The following SNTN variants were observed in gnomAD, a reference collection of about 807,000 sequenced individuals.
The protein encoded by SNTN is sentan.
Under a neutral mutation model 12.3 loss-of-function variants are expected in SNTN, and 13 were observed. That is an observed-to-expected ratio of 1.05 (90% CI 0.69 to 1.67). The LOEUF is 1.67. SNTN is among the 40% of genes most tolerant of loss of function. The pLI is 0.00. For synonymous variants in SNTN, 69 were observed against 58.5 expected, an observed-to-expected ratio of 1.18 and a Z score of -0.82; for missense variants, 189 against 169.8, an observed-to-expected ratio of 1.11 and a Z score of -0.63.
rs546196569 is a variant in SNTN, at chr3:63,653,029, G to A, written c.110+232G>A. On this transcript the variant is annotated intron_variant, in intron 1 of 3. Coordinates refer to ENST00000343837, the MANE Select transcript of SNTN (RefSeq NM_001080537.2). ...GCAAATATCTTTGATTGCCTCTTGA[G>A]AAACATTTGTAAATCAAAATTGGTG... 7.9e-5 allele frequency among the ~76,000 whole-genome samples: 12 copies of A among 152,294 alleles called. No individual in the cohort carries two copies. The South Asian group carries it at 2.3e-3, about 29-fold the overall frequency.
intron 2 of SNTN, among the ~76,000 whole-genome samples, chr3:63,658,450 T>C (rs1461937251): frequency 1.3e-5 from 2 of 149,196 alleles, no homozygotes; most frequent in African/African-American, 4.9e-5. Context: ...AGTGGACAAA[T>C]AACATACAAT....
intron 3 of SNTN, among the ~76,000 whole-genome samples, chr3:63,660,784 T>C (rs1700735263): frequency 6.6e-6 from 1 of 152,096 alleles, no homozygotes; most frequent in South Asian, 2.1e-4. Context: ...TAGATGTCCA[T>C]GAAATATTTA....
At position 63,660,938 on chromosome 3, in the gene SNTN, G is replaced by A. The variant is rs377072924; in HGVS notation, c.285+1074G>A. On this transcript the variant is annotated intron_variant, in intron 3 of 3. Coordinates refer to ENST00000343837, the MANE Select transcript of SNTN (RefSeq NM_001080537.2). ...TTACTCACCTAAGGGTATATTTCTC[G>A]AATTTCAGTCATTGAATACCATATT... 4.5e-4 allele frequency among the ~76,000 whole-genome samples: 68 copies of A among 152,286 alleles called. 2 individuals are homozygous for A. The South Asian group carries it at 0.012, about 27-fold the overall frequency.
Position 63,663,964 on chromosome 3 carries a change from G to C in SNTN, c.313G>C (p.Glu105Gln). Reference protein sequence around the residue: ...EGQETKPKYREILSELDEHTE... With the variant: ...EGQETKPKYRQILSELDEHTE... ...ACAAGAAACCAAGCCAAAATACAGAGAGATCCTTTCTGAACTTGATGAGCA... is the reference window on the plus strand; with the variant it reads ...ACAAGAAACCAAGCCAAAATACAGACAGATCCTTTCTGAACTTGATGAGCA... Residue 105 changes from glutamate to glutamine, a missense_variant, in exon 4 of 4, where the codon GAG becomes CAG. By Grantham distance (29) the Glu-to-Gln change is conservative. Transcript: ENST00000343837. 3 of 1,613,144 alleles carry C rather than the reference G, an allele frequency of 1.9e-6. No homozygotes were observed. The highest frequency in any genetic ancestry group is 1.3e-5 in the African/African-American group (1 of 75,004).
intron 3 of SNTN, among the ~76,000 whole-genome samples, chr3:63,663,228 T>C (rs536450566): frequency 6.6e-6 from 1 of 152,216 alleles, no homozygotes; most frequent in African/African-American, 2.4e-5. Context: ...AAACCCTGGC[T>C]CCACACCAAA....
At position 63,664,451 on chromosome 3, in the gene SNTN, A is replaced by T. The variant is rs544281237; in HGVS notation, c.*356A>T. 1 of 170,394 alleles carries T rather than the reference A, an allele frequency of 5.9e-6. No individual in the cohort carries two copies. The highest frequency in any genetic ancestry group is 1.7e-4 in the South Asian group (1 of 5,828). 10.6% of individuals were successfully genotyped at this position (170,394 alleles called of 1,614,324 possible). A position where few individuals can be genotyped will look rare whatever the true frequency, so the allele number is the denominator to read the frequency against. ...TACTTGATGGAACTGCTGAGGATAC[A>T]GTAATGAATTGGCCAGGCAATTCCT... is the stretch of plus-strand genomic sequence containing the variant. On this transcript the variant is annotated 3_prime_UTR_variant, in exon 4 of 4. Coordinates refer to ENST00000343837, the MANE Select transcript of SNTN (RefSeq NM_001080537.2).
At position 63,655,750 on chromosome 3, in the gene SNTN, T is replaced by A. The variant is rs1367007631; in HGVS notation, c.145+954T>A. 5.3e-5 allele frequency among the ~76,000 whole-genome samples: 8 copies of A among 152,080 alleles called. No individual in the cohort carries two copies. The East Asian group carries it at 1.5e-3, about 29-fold the overall frequency. On this transcript the variant is annotated intron_variant, in intron 2 of 3. Transcript: ENST00000343837. The stretch of plus-strand genomic sequence containing the variant: ...AAAAACACAGGATAAACATGATTCA[T>A]CTCCCCAGAATGTATTTTATTTAGT...
chr3:63,658,335 C>T (rs192657852), intron 2 of SNTN, among the ~76,000 whole-genome samples: 3 of 151,292 alleles, frequency 2.0e-5, no homozygotes, highest in Admixed American at 1.3e-4. Context: ...AGTTTTCCTC[C>T]CAGACCCACT....
At position 63,655,409 on chromosome 3, in the gene SNTN, T is replaced by C. The variant is rs1166669167; in HGVS notation, c.145+613T>C. Among the ~76,000 whole-genome samples the C allele has an allele frequency of 5.3e-5, 8 of 152,152 alleles. No homozygotes were observed. The South Asian group carries it at 1.2e-3, about 24-fold the overall frequency. On this transcript the variant is annotated intron_variant, in intron 2 of 3. Coordinates refer to ENST00000343837, the MANE Select transcript of SNTN (RefSeq NM_001080537.2). ...TGTACATTACTATATTGCAGGTTTT[T>C]CCCTCCTAGATGACTAGCCAAACTC...
chr3:63,658,227 G>A (rs1700704087), intron 2 of SNTN, among the ~76,000 whole-genome samples: 1 of 151,826 alleles, frequency 6.6e-6, no homozygotes, highest in Non-Finnish European at 1.5e-5. Flanking sequence ...ATCTCACCCT[G>A]AACCTCACCC....
chr3:63,663,394 T>C lies in SNTN; in HGVS notation c.286-543T>C, dbSNP rs565549366. Among the ~76,000 whole-genome samples the C allele has an allele frequency of 2.0e-3, 305 of 152,376 alleles. 6 individuals are homozygous for C. Among genetic ancestry groups the C allele is most frequent in the Non-Finnish European group, 6.5e-4 (44 of 68,038 alleles). ...TTCACATGGTGTTTTACTGGTAGCA[T>C]TGTTGGCAACTTGATGTGTTATTAT... is the stretch of plus-strand genomic sequence containing the variant. On this transcript the variant is annotated intron_variant, in intron 3 of 3. Transcript: ENST00000343837.
At chr3:63,653,161 T>C (rs1024750362) in intron 1 of SNTN, among the ~76,000 whole-genome samples, 1 of 152,214 alleles carries the variant, frequency 6.6e-6, no homozygotes, top group African/African-American at 2.4e-5. Flanking sequence ...AAAATGTTCT[T>C]TCTCATATAA....
intron 2 of SNTN, among the ~76,000 whole-genome samples, chr3:63,656,929 G>A (rs924549187): frequency 2.6e-5 from 4 of 152,130 alleles, no homozygotes; most frequent in South Asian, 4.1e-4. Context: ...TTTCTTCATC[G>A]ATAGAGTGGG....
At chr3:63,655,459 T>C (rs1369757945) in intron 2 of SNTN, among the ~76,000 whole-genome samples, 1 of 152,214 alleles carries the variant, frequency 6.6e-6, no homozygotes, top group East Asian at 1.9e-4. Context: ...TGTAATTTTA[T>C]TTAAATAAAT....
intron 3 of SNTN, among the ~76,000 whole-genome samples, chr3:63,661,469 A>T (rs944679631): frequency 1.3e-5 from 2 of 152,220 alleles, no homozygotes; most frequent in Non-Finnish European, 2.9e-5. Context: ...CAAGGGTACA[A>T]CTTTCTGTGA....
intron 2 of SNTN, among the ~76,000 whole-genome samples, chr3:63,657,185 A>G (rs1700689070): frequency 1.3e-5 from 2 of 152,208 alleles, no homozygotes; most frequent in Admixed American, 6.6e-5. Context: ...TGGATAGAGT[A>G]TGCAGCGACT....
chr3:63,657,745 C>T (rs953818460), intron 2 of SNTN, among the ~76,000 whole-genome samples: 3 of 152,154 alleles, frequency 2.0e-5, no homozygotes, highest in African/African-American at 7.2e-5. Flanking sequence ...TCCACAATCA[C>T]GATGGGGATG....
chr3:63,659,889 A>G, intron 3 of SNTN, 25 bp downstream of exon 3: 1 of 1,613,342 alleles, frequency 6.2e-7, no homozygotes, highest in Non-Finnish European at 8.5e-7. Flanking sequence ...TTGCATAAAG[A>G]AACAGAAACT....
chr3:63,654,737 T>G, intron 1 of SNTN, 25 bp from the exon 2 acceptor site: 2 of 1,610,164 alleles, frequency 1.2e-6, no homozygotes, highest in Non-Finnish European at 1.7e-6. Context: ...CCAGAATCAT[T>G]CTGTTTCTTT....
Sources: gnomAD v4.1 joint callset for allele counts (sites outside exome capture counted in the v4.1 genomes callset) on GRCh38, gnomAD v4.1.1 for gene constraint, MANE v1.5 for transcripts, NCBI Gene and HGNC (gene_info 2026-07-23, HGNC 2026-07-21) for gene names.